OSBPL5: variants seen among roughly 807,000 people sequenced by gnomAD.
The protein encoded by OSBPL5 is oxysterol-binding protein-related protein 5.
Under a neutral mutation model 111.2 loss-of-function variants are expected in OSBPL5, and 71 were observed. The ratio of observed to expected loss-of-function variants is 0.64; its 90% CI spans 0.53 to 0.78. OSBPL5 has a LOEUF of 0.78. Ranked by LOEUF, OSBPL5 falls within the 30% of genes least tolerant of loss-of-function variation. OSBPL5 has a pLI of 0.00. For missense variants in OSBPL5, 1,210 were observed against 1,189.3 expected (o/e 1.02, Z -0.26); for synonymous variants, 549 against 513.9 (o/e 1.07, Z -0.93).
At chr11:3,144,049 G>A (rs1417168503) in intron 1 of OSBPL5, among the ~76,000 whole-genome samples, 2 of 152,142 alleles carry the variant, frequency 1.3e-5, no homozygotes, top group African/African-American at 4.8e-5. Flanking sequence ...AGCACCCACT[G>A]AGCCCGGCAA....
At chr11:3,102,409 C>G in intron 11 of OSBPL5, 128 bp from the exon 12 acceptor site, 2 of 812,032 alleles carry the variant, frequency 2.5e-6, no homozygotes, top group Non-Finnish European at 4.1e-6. Flanking sequence ...TGGTTTGCTG[C>G]TAGCATCTGG....
At position 3,141,574 on chromosome 11, in the gene OSBPL5, G is replaced by A. The variant is rs1334639753; in HGVS notation, c.-21-12405C>T. The stretch of plus-strand genomic sequence containing the variant: ...GCATTAATGGGGTCCATTATGGCCC[G>A]AGTTGCGCAGAGAGGACAGGGAGGG... On this transcript the variant is annotated intron_variant, in intron 1 of 21. Coordinates refer to ENST00000263650, the MANE Select transcript of OSBPL5 (RefSeq NM_020896.4). The surrounding 1 kb of genome is among the most constrained non-coding windows in gnomAD (Gnocchi z 6.5). 2.0e-5 allele frequency among the ~76,000 whole-genome samples: 3 copies of A among 152,290 alleles called. No homozygotes were observed. The highest frequency in any genetic ancestry group is 2.4e-5 in the African/African-American group (1 of 41,570).
chr11:3,122,917 G>T (rs1270027587), intron 3 of OSBPL5, among the ~76,000 whole-genome samples: 1 of 152,210 alleles, frequency 6.6e-6, no homozygotes, highest in African/African-American at 2.4e-5. Flanking sequence ...GGTCTCTGGG[G>T]ACCAGCCCTG....
chr11:3,103,855 T>TCCCTTC (rs1857589808), intron 10 of OSBPL5, among the ~76,000 whole-genome samples: 2 of 102,360 alleles, frequency 2.0e-5, no homozygotes, highest in Admixed American at 9.8e-5. Flanking sequence ...CCCTTTCCAG[T>TCCCTTC]CTGCGCAGCC....
chr11:3,092,843 C>T lies in OSBPL5; in HGVS notation c.2132+24G>A. ...GCTAGGCCCAGCCCCACCCTGTGGC[C>T]CCCAGGGCTTTGTCGGCACTCACTC... On this transcript the variant is annotated intron_variant, in intron 18 of 21. Coordinates refer to ENST00000263650, the MANE Select transcript of OSBPL5 (RefSeq NM_020896.4). The surrounding 1 kb of genome is among the most constrained non-coding windows in gnomAD (Gnocchi z 5.4). The T allele has an allele frequency of 6.6e-7, 1 of 1,510,238 alleles. No individual in the cohort carries two copies. The allele number at this position is 1,510,238 out of a possible 1,614,324, so 93.6% of individuals were successfully genotyped here.
At chr11:3,093,973 G>A (rs988809520) in intron 15 of OSBPL5, 138 bp from the exon 16 acceptor site, 14 of 1,064,252 alleles carry the variant, frequency 1.3e-5, no homozygotes, top group Admixed American at 9.1e-5. Flanking sequence ...CCTCGCCAAC[G>A]AGGCCTTCGG....
intron 10 of OSBPL5, among the ~76,000 whole-genome samples, chr11:3,103,688 C>A (rs544376023): frequency 1.4e-5 from 2 of 147,674 alleles, no homozygotes; most frequent in East Asian, 2.0e-4. Context: ...GTCTCTGCAG[C>A]CCCCTTCCAG....
At chr11:3,132,403 C>T (rs897463258) in intron 1 of OSBPL5, among the ~76,000 whole-genome samples, 2 of 152,112 alleles carry the variant, frequency 1.3e-5, no homozygotes, top group East Asian at 1.9e-4. Context: ...CTTCCTGATG[C>T]CCTACAGCTG....
chr11:3,120,300 C>G (rs34752531), intron 6 of OSBPL5, 121 bp downstream of exon 6: 408,082 of 1,241,198 alleles, frequency 0.33, 70,697 homozygotes, highest in African/African-American at 0.58. Flanking sequence ...GAAGGTGAGA[C>G]ACCTGCTCAA....
In OSBPL5 at chr11:3,090,627, T is replaced by G; in HGVS notation, c.2329A>C (p.Ser777Arg). The part of the protein sequence containing the change: ...QPSGHSQATE[S>R]SGSTPESCPE... Reference sequence around the variant, plus strand: ...CAGGACTCAGGCGTGGATCCGCTGCTCTCCGTGGCCTGGCTGTGGCCGGAG... The same window carrying G: ...CAGGACTCAGGCGTGGATCCGCTGCGCTCCGTGGCCTGGCTGTGGCCGGAG... The change falls in exon 20 of 22, where the codon AGC becomes CGC. Residue 777 changes from serine to arginine, a missense_variant. Physicochemically the swap from Ser to Arg is moderately radical, Grantham distance 110 (BLOSUM62 -1). Transcript: ENST00000263650. 1 of 1,612,990 alleles carries G rather than the reference T, an allele frequency of 6.2e-7. No individual in the cohort carries two copies. Among genetic ancestry groups the G allele is most frequent in the Non-Finnish European group, 8.5e-7 (1 of 1,179,952 alleles).
At chr11:3,090,386 G>C (rs1857015230) in intron 20 of OSBPL5, among the ~76,000 whole-genome samples, 172 bp downstream of exon 20, 1 of 151,938 alleles carries the variant, frequency 6.6e-6, no homozygotes, top group African/African-American at 2.4e-5. Context: ...CTGCCTCCCA[G>C]ACTCTGAGAG....
chr11:3,153,602 A>G (rs1403675714), intron 1 of OSBPL5, among the ~76,000 whole-genome samples: 2 of 151,986 alleles, frequency 1.3e-5, no homozygotes, highest in Non-Finnish European at 2.9e-5. Flanking sequence ...GGCCACAGCC[A>G]GGAACAGGCG....
rs1166742200 is a variant in OSBPL5 at position 3,130,880 on chromosome 11, C to T, written c.-21-1711G>A. Among the ~76,000 whole-genome samples the T allele has an allele frequency of 6.6e-6, 1 of 152,152 alleles. No homozygotes were observed. Among genetic ancestry groups the T allele is most frequent in the Non-Finnish European group, 1.5e-5 (1 of 68,024 alleles). The stretch of plus-strand genomic sequence containing the variant: ...CCCAGGTGCAGCTCAGGATGGGAAC[C>T]AGCAGCTGAGCGGAGGCCGGGCTTA... On this transcript the variant is annotated intron_variant, in intron 1 of 21. Transcript: ENST00000263650. This position sits in a 1 kb window ranked among gnomAD's most constrained non-coding sequence, Gnocchi z 4.5.
chr11:3,135,225 G>A (rs61611154), intron 1 of OSBPL5, among the ~76,000 whole-genome samples: 4,014 of 152,336 alleles, frequency 0.026, 213 homozygotes, highest in African/African-American at 0.091. Context: ...GGGCAGGGCC[G>A]TGCTTCCGCC....
At chr11:3,138,070 C>A (rs560846762) in intron 1 of OSBPL5, among the ~76,000 whole-genome samples, 4 of 152,218 alleles carry the variant, frequency 2.6e-5, no homozygotes, top group Non-Finnish European at 4.4e-5. Flanking sequence ...GCCATGCCTG[C>A]GTGTTCTCCG....
Position 3,120,586 on chromosome 11 carries a change from G to A in OSBPL5, c.441C>T (p.Cys147=), listed in dbSNP as rs150773019. The change falls in exon 6 of 22, where the codon TGC becomes TGT. Residue 147 remains cysteine, a synonymous_variant. Coordinates refer to ENST00000263650, the MANE Select transcript of OSBPL5 (RefSeq NM_020896.4). ...GTLKSWTKLW[C]VLKPGVLLIY... ...TGAGCAGCACCCCCGGCTTCAGCAC[G>A]CACCACAGCTTGGTCCAGCTCTTCA... 2.0e-4 allele frequency: 329 copies of A among 1,613,168 alleles called. No homozygotes were observed. The East Asian group carries it at 2.3e-3, about 11-fold the overall frequency.
chr11:3,103,881 T>TTCCAGTCTGCGC lies in OSBPL5; in HGVS notation c.1244+311_1244+312insGCGCAGACTGGA, dbSNP rs1564830854. 2.4e-4 allele frequency among the ~76,000 whole-genome samples: 12 copies of TTCCAGTCTGCGC among 49,868 alleles called. 1 individual carries two copies. The South Asian group carries it at 2.4e-3, about 10-fold the overall frequency. The allele number at this position is 49,868 out of a possible 152,430, so 32.7% of individuals were successfully genotyped here. On this transcript the variant is annotated intron_variant, in intron 10 of 21. Transcript: ENST00000263650. ...CTGCGCAGCCCCCTTCCTGCCTCTGTAGCCCCATTCCTGCCTCTGCAGCCC... is the reference window on the plus strand; with the variant it reads ...CTGCGCAGCCCCCTTCCTGCCTCTGTTCCAGTCTGCGCAGCCCCATTCCTGCCTCTGCAGCCC...
In OSBPL5 at chr11:3,092,741, C is replaced by A. The variant is rs1857107199; in HGVS notation, c.2132+126G>T. On this transcript the variant is annotated intron_variant, in intron 18 of 21. Transcript: ENST00000263650. This position sits in a 1 kb window ranked among gnomAD's most constrained non-coding sequence, Gnocchi z 5.4. The stretch of plus-strand genomic sequence containing the variant: ...ATGGGGGGTGTCACTATCTGACCCT[C>A]CCCCACCGACTCCTCCAGGGGACAG... 7.3e-7 allele frequency: 1 copy of A among 1,364,978 alleles called. No homozygotes were observed. The highest frequency in any genetic ancestry group is 9.8e-7 in the Non-Finnish European group (1 of 1,023,876). The allele number at this position is 1,364,978 out of a possible 1,614,324, so 84.6% of individuals were successfully genotyped here.
chr11:3,122,119 G>A (rs749429630), intron 4 of OSBPL5, 21 bp from the exon 5 acceptor site: 1 of 1,545,394 alleles, frequency 6.5e-7, no homozygotes, highest in Non-Finnish European at 8.7e-7. Context: ...GGCACCCGCG[G>A]TGGGTCATGG....
Sources: allele counts gnomAD v4.1 joint callset (sites outside exome capture counted in the v4.1 genomes callset), GRCh38; gene constraint gnomAD v4.1.1; non-coding constraint Gnocchi (gnomAD v3.1); transcripts MANE v1.5; gene names NCBI Gene and HGNC (gene_info 2026-07-23, HGNC 2026-07-21).